Variants in ZNF527 observed in about 807,000 individuals in gnomAD.
ZNF527 encodes the protein zinc finger protein 527.
ZNF527 carries 5 observed loss-of-function variants against 13.5 expected under a neutral mutation model. That is an observed-to-expected ratio of 0.37 (90% CI 0.19 to 0.78). The LOEUF (loss-of-function observed/expected upper bound fraction) is 0.78, where lower values mean the gene tolerates loss of function less well. Ranked by LOEUF, ZNF527 falls within the 30% of genes least tolerant of loss-of-function variation. The pLI is 0.48. For synonymous variants in ZNF527, 209 were observed against 243.1 expected, an observed-to-expected ratio of 0.86 and a Z score of 1.30; for missense variants, 628 against 726.4, an observed-to-expected ratio of 0.86 and a Z score of 1.56.
At chr19:37,378,012 A>G (rs1250609945) in intron 2 of ZNF527, among the ~76,000 whole-genome samples, 1 of 151,988 alleles carries the variant, frequency 6.6e-6, no homozygotes. Flanking sequence ...TATGTAGAAT[A>G]ACCATATTTG....
In ZNF527 at chr19:37,389,258, A is replaced by G; in HGVS notation, c.1209A>G (p.Gln403=). 6.2e-7 allele frequency: 1 copy of G among 1,614,224 alleles called. No homozygotes were observed. ...KAFRQSAHLN[Q]HQRIHTGEKP... ...TCAGACAGAGTGCTCACCTTAATCA[A>G]CATCAGAGGATTCACACTGGAGAGA... Residue 403 remains glutamine (Q), a synonymous_variant, in exon 5 of 5, where the codon CAA becomes CAG. Transcript: ENST00000436120.
intron 2 of ZNF527, among the ~76,000 whole-genome samples, chr19:37,376,712 G>GA (rs2040611625): frequency 1.4e-5 from 2 of 147,034 alleles, no homozygotes; most frequent in Admixed American, 6.8e-5. Context: ...AAAAAGGCAG[G>GA]AAAAAGAGAA....
In ZNF527 at chr19:37,392,387, T is replaced by TTTTA. The variant is rs2040761714; in HGVS notation, c.*2520_*2523dup. 6.6e-6 allele frequency: 1 copy of TTTTA among 152,076 alleles called. No homozygotes were observed. The highest frequency in any genetic ancestry group is 1.5e-5 in the Non-Finnish European group (1 of 68,010). 9.4% of individuals were successfully genotyped at this position (152,076 alleles called of 1,614,324 possible). The stretch of plus-strand genomic sequence containing the variant: ...TGAGTTACTCACTAATTGATTTTTA[T>TTTTA]TTTATTTATTTATTTTTTTTGAGAC... On this transcript the variant is annotated 3_prime_UTR_variant, in exon 5 of 5. Transcript: ENST00000436120.
intron 2 of ZNF527, among the ~76,000 whole-genome samples, chr19:37,375,310 CTTTTCTTT>C (rs1203374648): frequency 5.4e-4 from 30 of 55,780 alleles, no homozygotes; most frequent in Non-Finnish European, 9.1e-4. Context: ...TTCTTTCTTT[CTTTTCTTT>C]CTTTCTTTCT....
chr19:37,380,457 G>C, intron 4 of ZNF527, 85 bp downstream of exon 4: 1 of 1,146,600 alleles, frequency 8.7e-7, no homozygotes. Flanking sequence ...AGCTTCAGGT[G>C]GGATGAGAAC....
chr19:37,372,467 CTTTTTTTT>C (rs1022024971), intron 1 of ZNF527, among the ~76,000 whole-genome samples: 1 of 65,656 alleles, frequency 1.5e-5, no homozygotes, highest in Non-Finnish European at 2.6e-5. Context: ...CTTTTCTTTT[CTTTTTTTT>C]TTTTTTTTTT....
intron 2 of ZNF527, among the ~76,000 whole-genome samples, chr19:37,375,570 A>G (rs1439410045): frequency 6.6e-6 from 1 of 151,714 alleles, no homozygotes; most frequent in Non-Finnish European, 1.5e-5. Flanking sequence ...GATGTTGGCC[A>G]AGATGGTCTT....
At position 37,380,270 on chromosome 19, in the gene ZNF527, T is replaced by C. The variant is rs760884943; in HGVS notation, c.161-7T>C. 10 of 1,613,324 alleles carry C rather than the reference T, an allele frequency of 6.2e-6. 1 individual carries two copies. In the Admixed American group the frequency reaches 1.2e-4, roughly 19 times the overall value. The stretch of plus-strand genomic sequence containing the variant: ...TCTTGCTCTCATTTTTCTTCCCCTG[T>C]GAACAGGACTCTCCATTTCTAAGCC... On this transcript the variant is annotated splice_region_variant and splice_polypyrimidine_tract_variant and intron_variant, in intron 3 of 4. Coordinates refer to ENST00000436120, the MANE Select transcript of ZNF527 (RefSeq NM_032453.2).
At chr19:37,372,688 G>A (rs1219526753) in intron 1 of ZNF527, among the ~76,000 whole-genome samples, 1 of 151,598 alleles carries the variant, frequency 6.6e-6, no homozygotes, top group Admixed American at 6.6e-5. Flanking sequence ...GCCCAGGCTG[G>A]TCTTGAATTC....
chr19:37,379,369 G>T, intron 3 of ZNF527, 123 bp downstream of exon 3: 1 of 901,428 alleles, frequency 1.1e-6, no homozygotes, highest in South Asian at 3.3e-5. Flanking sequence ...TCTACTTCCT[G>T]TTCCCAGGAA....
intron 2 of ZNF527, among the ~76,000 whole-genome samples, chr19:37,375,635 A>G (rs992542574): frequency 6.6e-6 from 1 of 151,994 alleles, no homozygotes; most frequent in Non-Finnish European, 1.5e-5. Flanking sequence ...CTGGGATTAC[A>G]GGGGTGAGCC....
At chr19:37,371,646 G>T (rs2040557678) in intron 1 of ZNF527, among the ~76,000 whole-genome samples, 1 of 152,210 alleles carries the variant, frequency 6.6e-6, no homozygotes, top group Admixed American at 6.5e-5. Context: ...GTGATTGTGC[G>T]ACTATGACCA....
At chr19:37,373,859 C>CGAAA (rs1047386540) in intron 1 of ZNF527, among the ~76,000 whole-genome samples, 13 of 152,014 alleles carry the variant, frequency 8.6e-5, no homozygotes, top group African/African-American at 3.1e-4. Flanking sequence ...GAGTAAGGGG[C>CGAAA]GGAAGGGTAG....
intron 1 of ZNF527, among the ~76,000 whole-genome samples, chr19:37,372,644 T>C (rs1236230124): frequency 6.6e-6 from 1 of 151,692 alleles, no homozygotes; most frequent in African/African-American, 2.4e-5. Flanking sequence ...AACTAATTCT[T>C]GTACTTTTTG....
At chr19:37,372,193 T>C (rs753851670) in intron 1 of ZNF527, among the ~76,000 whole-genome samples, 5 of 151,696 alleles carry the variant, frequency 3.3e-5, no homozygotes, top group Non-Finnish European at 7.4e-5. Flanking sequence ...AGAGACGAGG[T>C]TTCACCATGT....
intron 1 of ZNF527, among the ~76,000 whole-genome samples, chr19:37,371,925 C>T (rs2040560136): frequency 1.3e-5 from 2 of 151,658 alleles, no homozygotes; most frequent in South Asian, 4.2e-4. Flanking sequence ...ATTAGAATTA[C>T]CCAAGTTCAC....
chr19:37,373,236 TGAGA>T (rs375824455), intron 1 of ZNF527, among the ~76,000 whole-genome samples: 6 of 152,194 alleles, frequency 3.9e-5, no homozygotes, highest in East Asian at 3.9e-4. Flanking sequence ...GCTGTGTGTG[TGAGA>T]GAGAGAGATT....
At chr19:37,385,593 A>C (rs2146819416) in intron 4 of ZNF527, 1 of 361,214 alleles carries the variant, frequency 2.8e-6, no homozygotes, top group East Asian at 4.0e-5. Flanking sequence ...AGTTTATTTA[A>C]AATAATTTTC....
chr19:37,372,217 T>C (rs1271586606), intron 1 of ZNF527, among the ~76,000 whole-genome samples: 1 of 151,872 alleles, frequency 6.6e-6, no homozygotes, highest in Non-Finnish European at 1.5e-5. Flanking sequence ...GCCAGGCTGG[T>C]CTCCAACTCC....
Sources: allele counts gnomAD v4.1 joint callset (sites outside exome capture counted in the v4.1 genomes callset), GRCh38; gene constraint gnomAD v4.1.1; transcripts MANE v1.5; gene names NCBI Gene and HGNC (gene_info 2026-07-23, HGNC 2026-07-21).